The following FSAF1 variants were observed in gnomAD, a reference collection of about 807,000 sequenced individuals.
FSAF1 encodes the protein uncharacterized protein C1orf131.
chr1:231,241,085 G>C, the FSAF1 span: 1 of 1,614,204 alleles, frequency 6.2e-7, no homozygotes, highest in South Asian at 1.1e-5. Flanking sequence ...GAGGCGTGGA[G>C]GACCCCGGCC....
chr1:231,240,105 T>A, the FSAF1 span, among the ~76,000 whole-genome samples: 1 of 152,220 alleles, frequency 6.6e-6, no homozygotes, highest in East Asian at 1.9e-4. The surrounding 1 kb of genome is among the most constrained non-coding windows in gnomAD (Gnocchi z 4.1). Context: ...TCAGACAACC[T>A]GCATCAGGTT....
chr1:231,226,640 C>T, the FSAF1 span: 3 of 1,108,030 alleles, frequency 2.7e-6, no homozygotes. Flanking sequence ...ACTCTGGTGC[C>T]TTCATTGCTC....
the FSAF1 span, chr1:231,237,752 A>T: frequency 6.6e-6 from 1 of 152,228 alleles, no homozygotes; most frequent in Non-Finnish European, 1.5e-5. Flanking sequence ...TTGTTATAGC[A>T]GGCTTAGAAA....
At chr1:231,232,466 G>A in the FSAF1 span, among the ~76,000 whole-genome samples, 6,092 of 152,174 alleles carry the variant, frequency 0.04, 155 homozygotes, top group South Asian at 0.052. Flanking sequence ...GTGGCACCCC[G>A]TCATCCCGGG....
chr1:231,225,998 CAAAAAAAAAAAAAA>C, the FSAF1 span: 3 of 28,366 alleles, frequency 1.1e-4, no homozygotes, highest in African/African-American at 4.4e-4. Context: ...ACGTAAAATG[CAAAAAAAAAAAAAA>C]AAAAAAAAAA....
chr1:231,231,182 C>A, the FSAF1 span, among the ~76,000 whole-genome samples: 1 of 152,222 alleles, frequency 6.6e-6, no homozygotes, highest in East Asian at 1.9e-4. Context: ...ACTGAGACCA[C>A]AGGCATAGCA....
chr1:231,224,727 G>T, the FSAF1 span: 1 of 311,664 alleles, frequency 3.2e-6, no homozygotes, highest in Non-Finnish European at 5.9e-6. Flanking sequence ...TCTCCCTGTG[G>T]TTTTCCTTCA....
the FSAF1 span, among the ~76,000 whole-genome samples, chr1:231,234,479 AT>A: frequency 6.6e-6 from 1 of 152,104 alleles, no homozygotes; most frequent in Non-Finnish European, 1.5e-5. The surrounding 1 kb of genome is among the most constrained non-coding windows in gnomAD (Gnocchi z 4.0). Flanking sequence ...TTGCCCATTC[AT>A]TTTTTTGAGA....
the FSAF1 span, chr1:231,238,239 A>C: frequency 6.6e-6 from 1 of 152,222 alleles, no homozygotes; most frequent in African/African-American, 2.4e-5. Flanking sequence ...TTGGGGACTG[A>C]ATTTTAGGTG....
the FSAF1 span, chr1:231,241,088 C>A: frequency 6.2e-7 from 1 of 1,613,992 alleles, no homozygotes; most frequent in East Asian, 2.2e-5. Flanking sequence ...GCGTGGAGGA[C>A]CCCGGCCCTT....
At chr1:231,238,731 G>A in the FSAF1 span, 3 of 887,538 alleles carry the variant, frequency 3.4e-6, no homozygotes, top group Admixed American at 5.6e-5. Context: ...GGTCCTGTGA[G>A]TCCTTTTGGC....
chr1:231,226,655 A>G, the FSAF1 span: 15 of 1,264,400 alleles, frequency 1.2e-5, no homozygotes, highest in Non-Finnish European at 1.7e-5. Context: ...TTGCTCTCCA[A>G]GCAGCGGCTT....
At chr1:231,230,572 G>A in the FSAF1 span, among the ~76,000 whole-genome samples, 1 of 152,136 alleles carries the variant, frequency 6.6e-6, no homozygotes, top group African/African-American at 2.4e-5. Context: ...CACCAATGGT[G>A]GTAGTCCACC....
chr1:231,226,809 T>C, the FSAF1 span: 2 of 1,608,064 alleles, frequency 1.2e-6, no homozygotes, highest in Non-Finnish European at 1.7e-6. Flanking sequence ...GTAATTCACA[T>C]AACTCTTTTT....
At chr1:231,224,730 T>C in the FSAF1 span, 4 of 310,374 alleles carry the variant, frequency 1.3e-5, no homozygotes, top group African/African-American at 6.4e-5. Context: ...CCCTGTGGTT[T>C]TCCTTCACAA....
the FSAF1 span, among the ~76,000 whole-genome samples, chr1:231,231,458 C>A: frequency 1.3e-5 from 2 of 152,170 alleles, no homozygotes; most frequent in African/African-American, 4.8e-5. Context: ...CCCTCCTACC[C>A]GCTCCACTGA....
chr1:231,234,369 C>T, the FSAF1 span, among the ~76,000 whole-genome samples: 1 of 152,216 alleles, frequency 6.6e-6, no homozygotes, highest in Non-Finnish European at 1.5e-5. The surrounding 1 kb of genome is among the most constrained non-coding windows in gnomAD (Gnocchi z 4.0). Context: ...AAGGGCTGAG[C>T]AACACACAGG....
the FSAF1 span, chr1:231,229,294 AC>A: frequency 1.1e-6 from 1 of 932,154 alleles, no homozygotes; most frequent in East Asian, 2.6e-5. Context: ...GTTTTAAGGA[AC>A]CTGAAAGTGA....
chr1:231,237,808 C>CAGGA, the FSAF1 span: 1 of 152,168 alleles, frequency 6.6e-6, no homozygotes, highest in Non-Finnish European at 1.5e-5. Context: ...CAAAGGTTTG[C>CAGGA]AGGACGTGGG....
Sources: gnomAD v4.1 joint callset for allele counts (sites outside exome capture counted in the v4.1 genomes callset) on GRCh38, gnomAD v4.1.1 for gene constraint, Gnocchi (gnomAD v3.1) non-coding constraint, MANE v1.5 for transcripts, NCBI Gene and HGNC (gene_info 2026-07-23, HGNC 2026-07-21) for gene names.